Variants in RPGR observed in about 807,000 individuals in gnomAD.
RPGR encodes retinitis pigmentosa GTPase regulator.
RPGR carries 10 observed loss-of-function variants against 56.3 expected under a neutral mutation model. That is an observed-to-expected ratio of 0.18 (90% CI 0.11 to 0.30). The LOEUF (loss-of-function observed/expected upper bound fraction) is 0.30. Among genes scored for constraint, RPGR ranks in the 10% least tolerant of loss-of-function variants. RPGR has a pLI of 1.00. For synonymous variants in RPGR, 197 were observed against 212.9 expected (o/e 0.93, Z 0.65); for missense variants, 538 against 590.9 (o/e 0.91, Z 0.93).
At chrX:38,291,126 T>TA (rs1343465079) in intron 12 of RPGR, 102 bp from the exon 13 acceptor site, 39 of 154,578 alleles carry the variant, frequency 2.5e-4, no homozygotes, top group Non-Finnish European at 3.5e-4. Flanking sequence ...TATATATATT[T>TA]TTTTATATAT....
intron 1 of RPGR, chrX:38,327,054 T>G: frequency 6.6e-6 from 2 of 303,522 alleles, no homozygotes; most frequent in African/African-American, 3.0e-5. Flanking sequence ...TGAAACTCCG[T>G]CTCATAAAAA....
intron 1 of RPGR, among the ~76,000 whole-genome samples, chrX:38,324,852 T>C (rs1367233822): frequency 9.6e-6 from 1 of 104,226 alleles, no homozygotes; most frequent in African/African-American, 3.5e-5. Context: ...GATGAGGTCA[T>C]CACAAAGCAA....
intron 18 of RPGR, among the ~76,000 whole-genome samples, chrX:38,271,652 A>C (rs1007078916): frequency 3.1e-4 from 35 of 112,075 alleles, no homozygotes; most frequent in African/African-American, 1.1e-3. Context: ...GTGGTCCTTC[A>C]GTCACTCCAG....
chrX:38,270,479 C>T (rs774810367), intron 18 of RPGR, among the ~76,000 whole-genome samples: 16 of 65,865 alleles, frequency 2.4e-4, no homozygotes, highest in African/African-American at 8.5e-4. Context: ...AAAAATTAGC[C>T]GGGCGTGGTG....
chrX:38,270,195 G>T (rs930365364), intron 18 of RPGR, among the ~76,000 whole-genome samples: 3 of 110,874 alleles, frequency 2.7e-5, no homozygotes, highest in Non-Finnish European at 5.7e-5. Context: ...TATCCAGGAG[G>T]GGTCATTTTC....
intron 3 of RPGR, 141 bp from the exon 4 acceptor site, chrX:38,321,230 C>T (rs2067933917): frequency 3.8e-6 from 2 of 520,386 alleles, no homozygotes; most frequent in Admixed American, 2.8e-5. Flanking sequence ...AACGAGCAAA[C>T]CAGAGGTTTT....
intron 9 of RPGR, among the ~76,000 whole-genome samples, chrX:38,300,862 C>G (rs1207370471): frequency 8.9e-6 from 1 of 112,294 alleles, no homozygotes; most frequent in Non-Finnish European, 1.9e-5. Flanking sequence ...ATCAGACTTT[C>G]TGTTGTGCAG....
chrX:38,281,234 A>G (rs1223891370), intron 15 of RPGR, among the ~76,000 whole-genome samples: 1 of 112,775 alleles, frequency 8.9e-6, no homozygotes, highest in Non-Finnish European at 1.9e-5. Flanking sequence ...TGCATGATCC[A>G]CGACTATACC....
At chrX:38,285,032 T>C in intron 15 of RPGR, 1 of 744,577 alleles carries the variant, frequency 1.3e-6, no homozygotes, top group Non-Finnish European at 1.6e-6. Flanking sequence ...CTTTAAAATG[T>C]GAATGCCTCA....
chrX:38,273,716 C>A, intron 17 of RPGR: 1 of 289,838 alleles, frequency 3.5e-6, no homozygotes, highest in Non-Finnish European at 6.1e-6. Flanking sequence ...AATATAGCTA[C>A]AAAGGTAATA....
At chrX:38,312,837 G>C (rs1226383524) in intron 6 of RPGR, among the ~76,000 whole-genome samples, 1 of 110,918 alleles carries the variant, frequency 9.0e-6, no homozygotes, top group East Asian at 2.8e-4. Flanking sequence ...TAGCTACTCG[G>C]AGGAATGAGG....
At chrX:38,282,369 C>T (rs1221764961) in intron 15 of RPGR, among the ~76,000 whole-genome samples, 3 of 111,112 alleles carry the variant, frequency 2.7e-5, no homozygotes, top group Non-Finnish European at 5.7e-5. Context: ...CTTTCTCAAC[C>T]TCTCCCTTAC....
intron 17 of RPGR, chrX:38,273,636 A>T (rs2066880166): frequency 7.6e-6 from 3 of 392,449 alleles, no homozygotes; most frequent in Non-Finnish European, 1.3e-5. Context: ...ATTTCCTGAA[A>T]AGTTGAGTTA....
intron 11 of RPGR, among the ~76,000 whole-genome samples, chrX:38,292,070 C>A (rs989623399): frequency 1.8e-5 from 2 of 110,427 alleles, no homozygotes; most frequent in African/African-American, 6.6e-5. Context: ...TTGTGAGCAT[C>A]TCAAGGAAGT....
intron 11 of RPGR, among the ~76,000 whole-genome samples, chrX:38,294,281 T>C (rs1194113342): frequency 2.7e-5 from 3 of 111,856 alleles, no homozygotes; most frequent in African/African-American, 9.8e-5. Flanking sequence ...CTCTTCCTTC[T>C]CTACCCCTCA....
rs762836683 is a variant in RPGR, at chrX:38,287,796, T to C, written c.1753+65A>G. The C allele has an allele frequency of 1.5e-5, 15 of 994,557 alleles. No homozygotes were observed. In the South Asian group the frequency reaches 2.7e-4, roughly 18 times the overall value. 82.0% of individuals were successfully genotyped at this position (994,557 alleles called of 1,213,427 possible). A position where few individuals can be genotyped will look rare whatever the true frequency, so the allele number is the denominator to read the frequency against. On this transcript the variant is annotated intron_variant, in intron 14 of 18. Transcript: ENST00000642395. ...CACCATTATTATTTTCATGTCTATA[T>C]ACCTCTTTTTGTAAACCCTCTCCAT...
intron 15 of RPGR, among the ~76,000 whole-genome samples, chrX:38,282,073 C>T (rs2067042721): frequency 9.0e-6 from 1 of 111,375 alleles, no homozygotes; most frequent in African/African-American, 3.3e-5. Flanking sequence ...CATCTCCCTT[C>T]CTAAATTGAG....
intron 4 of RPGR, among the ~76,000 whole-genome samples, chrX:38,320,526 C>A (rs748915517): frequency 1.8e-5 from 2 of 112,339 alleles, no homozygotes; most frequent in South Asian, 7.3e-4. Context: ...AGCTTTACAG[C>A]GAGTCTTGAA....
intron 4 of RPGR, among the ~76,000 whole-genome samples, chrX:38,320,338 T>C (rs929235689): frequency 9.0e-6 from 1 of 111,556 alleles, no homozygotes; most frequent in African/African-American, 3.3e-5. Context: ...GGTCAGGTCC[T>C]GGAGGTCTAA....
Sources: allele counts gnomAD v4.1 joint callset (sites outside exome capture counted in the v4.1 genomes callset), GRCh38; gene constraint gnomAD v4.1.1; transcripts MANE v1.5; gene names NCBI Gene and HGNC (gene_info 2026-07-23, HGNC 2026-07-21).